The following RBM18 variants were observed in gnomAD, a reference collection of about 807,000 sequenced individuals.
RBM18 encodes the protein RNA binding motif protein 18.
Under a neutral mutation model 26.4 loss-of-function variants are expected in RBM18, and 18 were observed. The ratio of observed to expected loss-of-function variants is 0.68; its 90% CI spans 0.47 to 1.01. RBM18 has a LOEUF of 1.01. Among genes scored for constraint, RBM18 ranks in the 50% least tolerant of loss-of-function variants. RBM18 has a pLI of 0.00. For synonymous variants in RBM18, 74 were observed against 81.1 expected (o/e 0.91, Z 0.47); for missense variants, 180 against 219.2 (o/e 0.82, Z 1.13).
At chr9:122,254,361 C>G in intron 2 of RBM18, 2 of 895,060 alleles carry the variant, frequency 2.2e-6, no homozygotes, top group Non-Finnish European at 2.7e-6. Flanking sequence ...TTAAAATTAT[C>G]GGAACACTGA....
At position 122,238,454 on chromosome 9, in the gene RBM18, T is replaced by G. The variant is rs1465690109; in HGVS notation, c.*3430A>C. ...GGGGACTGCCTCTTGATCATTAACA[T>G]TTGAGCAGAGACATGAGTCAGGTGA... On this transcript the variant is annotated 3_prime_UTR_variant, in exon 6 of 6. Coordinates refer to ENST00000417201, the MANE Select transcript of RBM18 (RefSeq NM_033117.4). 1 of 152,210 alleles carries G rather than the reference T, an allele frequency of 6.6e-6. No individual in the cohort carries two copies. The highest frequency in any genetic ancestry group is 1.5e-5 in the Non-Finnish European group (1 of 68,040). 9.4% of individuals were successfully genotyped at this position (152,210 alleles called of 1,614,324 possible).
At chr9:122,246,390 G>T (rs1216124547) in intron 4 of RBM18, among the ~76,000 whole-genome samples, 2 of 152,186 alleles carry the variant, frequency 1.3e-5, no homozygotes, top group Non-Finnish European at 2.9e-5. Flanking sequence ...ATTTATAGGA[G>T]AAGAGAACCG....
chr9:122,238,343 A>G lies in RBM18; in HGVS notation c.*3541T>C, dbSNP rs1831361242. 1 of 152,256 alleles carries G rather than the reference A, an allele frequency of 6.6e-6. No homozygotes were observed. Among genetic ancestry groups the G allele is most frequent in the South Asian group, 2.1e-4 (1 of 4,836 alleles). The allele number at this position is 152,256 out of a possible 1,614,324, so 9.4% of individuals were successfully genotyped here. On this transcript the variant is annotated 3_prime_UTR_variant, in exon 6 of 6. Coordinates refer to ENST00000417201, the MANE Select transcript of RBM18 (RefSeq NM_033117.4). ...AAAAGAGACAAAAAAAAATTTAGAT[A>G]TAATGTTGGTTAGCGGTAAGTGCTT...
rs1273225423 is a variant in RBM18 at position 122,237,689 on chromosome 9, ACATTTCCAGTCATGG to A, written c.*4180_*4194del. The A allele has an allele frequency of 1.3e-5, 2 of 152,250 alleles. No individual in the cohort carries two copies. The highest frequency in any genetic ancestry group is 2.9e-5 in the Non-Finnish European group (2 of 68,042). The allele number at this position is 152,250 out of a possible 1,614,324, so 9.4% of individuals were successfully genotyped here. On this transcript the variant is annotated 3_prime_UTR_variant, in exon 6 of 6. Transcript: ENST00000417201. ...CATTAATACGAGAATTTTAGAAAAC[ACATTTCCAGTCATGG>A]AATATTGTTTAGAGTAGGGTTTGGC... is the stretch of plus-strand genomic sequence containing the variant.
In RBM18 at chr9:122,247,606, T is replaced by A; in HGVS notation, c.241-2A>T. The A allele has an allele frequency of 6.2e-7, 1 of 1,613,396 alleles. No homozygotes were observed. The highest frequency in any genetic ancestry group is 8.5e-7 in the Non-Finnish European group (1 of 1,179,590). On this transcript the variant is annotated splice_acceptor_variant, in intron 3 of 5. Transcript: ENST00000417201. LOFTEE classifies it high-confidence loss of function. ...ACACTGGATGGCTTGCTCTGCTTCC[T>A]GTCCAGGAAAGGGACAAATGTTAGT... is the stretch of plus-strand genomic sequence containing the variant.
In RBM18 at chr9:122,251,950, TG is replaced by T; in HGVS notation, c.136del (p.Gln46ArgfsTer6). ...AAACTGCTTTACCTTGCCAAACTTCTGGAGGAGCTTGAGGAGGTGGTATCTG... is the reference window on the plus strand; with the variant it reads ...AAACTGCTTTACCTTGCCAAACTTCTGAGGAGCTTGAGGAGGTGGTATCTG... ...ITEYHLLKLL[Q>X]KFGKVKQFDF... On this transcript the variant is annotated frameshift_variant, in exon 3 of 6. Coordinates refer to ENST00000417201, the MANE Select transcript of RBM18 (RefSeq NM_033117.4). LOFTEE classifies it high-confidence loss of function. The T allele has an allele frequency of 6.2e-7, 1 of 1,614,138 alleles. No homozygotes were observed.
Position 122,241,739 on chromosome 9 carries a change from G to A in RBM18, c.*145C>T. Reference sequence around the variant, plus strand: ...TAGTTTAGGGAAGAAACATCCATAAGAACATCCAAAAACATTATGTTACCA... The same window carrying A: ...TAGTTTAGGGAAGAAACATCCATAAAAACATCCAAAAACATTATGTTACCA... On this transcript the variant is annotated 3_prime_UTR_variant, in exon 6 of 6. Transcript: ENST00000417201. The A allele has an allele frequency of 1.5e-6, 1 of 662,026 alleles. No homozygotes were observed. The highest frequency in any genetic ancestry group is 2.5e-6 in the Non-Finnish European group (1 of 392,808). The allele number at this position is 662,026 out of a possible 1,614,324, so 41.0% of individuals were successfully genotyped here.
chr9:122,243,869 C>T (rs749233474), intron 5 of RBM18: 1 of 985,102 alleles, frequency 1.0e-6, no homozygotes, highest in Non-Finnish European at 1.2e-6. Context: ...CTGAGGTCCT[C>T]TGGATAAAAA....
chr9:122,252,457 G>A (rs1395335313), intron 2 of RBM18, among the ~76,000 whole-genome samples: 1 of 151,944 alleles, frequency 6.6e-6, no homozygotes, highest in Non-Finnish European at 1.5e-5. Flanking sequence ...CAAACAAACA[G>A]TCCTGGAAGA....
At chr9:122,263,528 T>C (rs1276439792) in intron 1 of RBM18, among the ~76,000 whole-genome samples, 2 of 152,180 alleles carry the variant, frequency 1.3e-5, no homozygotes, top group Non-Finnish European at 2.9e-5. Context: ...GTCAGAGCAG[T>C]GAACAAGCAA....
At chr9:122,257,411 G>T (rs1322619832) in intron 2 of RBM18, among the ~76,000 whole-genome samples, 1 of 152,212 alleles carries the variant, frequency 6.6e-6, no homozygotes, top group East Asian at 1.9e-4. Flanking sequence ...CTCCCAAAGT[G>T]CTGGGATTAC....
At position 122,241,096 on chromosome 9, in the gene RBM18, A is replaced by T. The variant is rs1831408481; in HGVS notation, c.*788T>A. 6.6e-6 allele frequency: 1 copy of T among 152,262 alleles called. No homozygotes were observed. The highest frequency in any genetic ancestry group is 2.1e-4 in the South Asian group (1 of 4,836). 9.4% of individuals were successfully genotyped at this position (152,262 alleles called of 1,614,324 possible). On this transcript the variant is annotated 3_prime_UTR_variant, in exon 6 of 6. Transcript: ENST00000417201. The stretch of plus-strand genomic sequence containing the variant: ...AATCCCATGCAATAAATGTAATTTT[A>T]AAAGTCCCATGATAATAGCAACATT...
intron 1 of RBM18, among the ~76,000 whole-genome samples, chr9:122,264,291 T>C (rs930577512): frequency 1.3e-5 from 2 of 152,210 alleles, no homozygotes; most frequent in Admixed American, 1.3e-4. Context: ...TATGGCTTTT[T>C]GAGGAAAGGT....
intron 5 of RBM18, chr9:122,243,612 C>A (rs572450624): frequency 1.9e-6 from 1 of 525,702 alleles, no homozygotes; most frequent in Non-Finnish European, 2.4e-6. Context: ...ATTCTTGATG[C>A]GTTAATGGTC....
intron 2 of RBM18, among the ~76,000 whole-genome samples, chr9:122,254,597 T>C (rs574002280): frequency 1.3e-5 from 2 of 152,344 alleles, no homozygotes; most frequent in African/African-American, 2.4e-5. Context: ...CCCACACACA[T>C]ATCTGCAACT....
rs1399633838 is a variant in RBM18 at position 122,240,755 on chromosome 9, C to T, written c.*1129G>A. ...TTAGAGTGACAAACATATCTAGAGGCAAGTATGTTCTCCAAGTGAAGAATC... is the reference window on the plus strand; with the variant it reads ...TTAGAGTGACAAACATATCTAGAGGTAAGTATGTTCTCCAAGTGAAGAATC... On this transcript the variant is annotated 3_prime_UTR_variant, in exon 6 of 6. Transcript: ENST00000417201. The T allele has an allele frequency of 2.0e-5, 3 of 152,156 alleles. No homozygotes were observed. The highest frequency in any genetic ancestry group is 7.2e-5 in the African/African-American group (3 of 41,434). 9.4% of individuals were successfully genotyped at this position (152,156 alleles called of 1,614,324 possible). A position where few individuals can be genotyped will look rare whatever the true frequency, so the allele number is the denominator to read the frequency against.
chr9:122,264,546 G>C (rs1034738079), intron 1 of RBM18, 169 bp downstream of exon 1: 1 of 152,282 alleles, frequency 6.6e-6, no homozygotes, highest in Non-Finnish European at 1.5e-5. Flanking sequence ...CCGATTTCTG[G>C]CTGCGAATTC....
intron 2 of RBM18, among the ~76,000 whole-genome samples, chr9:122,259,332 C>G (rs1268498135): frequency 6.6e-6 from 1 of 152,124 alleles, no homozygotes; most frequent in Non-Finnish European, 1.5e-5. Flanking sequence ...ATGGAAACCA[C>G]TATGAGCATC....
rs192124404 is a variant in RBM18 at position 122,258,554 on chromosome 9, A to T, written c.113+2826T>A. ...AGTGCTGGGATTACAGGTGTGAACC[A>T]CCGTGCTCAGTGGTAGTTATATCTT... On this transcript the variant is annotated intron_variant, in intron 2 of 5. Transcript: ENST00000417201. 5.3e-4 allele frequency among the ~76,000 whole-genome samples: 81 copies of T among 152,280 alleles called. No homozygotes were observed. In the Middle Eastern group the frequency reaches 0.02, roughly 38 times the overall value.
Sources: allele counts gnomAD v4.1 joint callset (sites outside exome capture counted in the v4.1 genomes callset), GRCh38; gene constraint gnomAD v4.1.1; transcripts MANE v1.5; gene names NCBI Gene and HGNC (gene_info 2026-07-23, HGNC 2026-07-21).